The following SLC25A46 variants were observed in gnomAD, a reference collection of about 807,000 sequenced individuals.
SLC25A46 encodes solute carrier family 25 member 46.
SLC25A46 carries 39 observed loss-of-function variants against 44.6 expected under a neutral mutation model. The observed-to-expected ratio is 0.87, with a 90% CI of 0.68 to 1.14. The LOEUF is 1.14. SLC25A46 is among the 50% of genes most tolerant of loss of function. SLC25A46 has a pLI of 0.00. For missense variants in SLC25A46, 547 were observed against 522.7 expected, an observed-to-expected ratio of 1.05 and a Z score of -0.45; for synonymous variants, 202 against 185.8, an observed-to-expected ratio of 1.09 and a Z score of -0.71.
chr5:110,752,869 G>A (rs779612509), intron 5 of SLC25A46, among the ~76,000 whole-genome samples: 3 of 152,074 alleles, frequency 2.0e-5, no homozygotes, highest in African/African-American at 7.2e-5. Flanking sequence ...AGATATGAGC[G>A]TCGCTAGGGA....
chr5:110,759,673 A>T (rs1187563855), intron 7 of SLC25A46, among the ~76,000 whole-genome samples: 2 of 152,164 alleles, frequency 1.3e-5, no homozygotes, highest in Admixed American at 1.3e-4. Flanking sequence ...ATTGTAAATC[A>T]TTGTAATAAT....
chr5:110,758,052 T>TA (rs1171147834), intron 7 of SLC25A46, among the ~76,000 whole-genome samples: 6 of 152,208 alleles, frequency 3.9e-5, no homozygotes, highest in African/African-American at 9.6e-5. Context: ...GTGTTTTTTT[T>TA]AACCCAGTAT....
At chr5:110,757,048 A>G (rs1194871956) in intron 7 of SLC25A46, 2 of 244,300 alleles carry the variant, frequency 8.2e-6, no homozygotes, top group South Asian at 1.7e-4. Context: ...CAAAGAATCT[A>G]TAAACTTTTT....
At chr5:110,743,879 G>A (rs1799750227) in intron 3 of SLC25A46, 92 bp downstream of exon 3, 1 of 937,578 alleles carries the variant, frequency 1.1e-6, no homozygotes, top group Non-Finnish European at 1.6e-6. Flanking sequence ...CCAGGTAATT[G>A]TTACTTCATG....
upstream of SLC25A46, chr5:110,738,981 G>T (rs1166293249): frequency 2.1e-6 from 3 of 1,456,180 alleles, no homozygotes; most frequent in African/African-American, 1.4e-5. Flanking sequence ...AAGACTTCCG[G>T]GTTTCCAACG....
At chr5:110,753,828 T>G (rs1183780946) in intron 5 of SLC25A46, 1 of 152,128 alleles carries the variant, frequency 6.6e-6, no homozygotes, top group Non-Finnish European at 1.5e-5. Flanking sequence ...GTCCTAAGTG[T>G]TTACCACAGT....
intron 5 of SLC25A46, among the ~76,000 whole-genome samples, chr5:110,751,411 A>T (rs573029338): frequency 6.6e-6 from 1 of 152,198 alleles, no homozygotes; most frequent in Non-Finnish European, 1.5e-5. Flanking sequence ...GGTACATACC[A>T]GTTTGTACAA....
chr5:110,746,736 T>C (rs182351981), intron 4 of SLC25A46, among the ~76,000 whole-genome samples: 8 of 152,264 alleles, frequency 5.3e-5, no homozygotes, highest in Non-Finnish European at 7.4e-5. Context: ...GGGAAAAACT[T>C]TGGGAAAAGA....
chr5:110,742,210 T>G (rs1799708679), intron 2 of SLC25A46, 121 bp downstream of exon 2: 1 of 603,596 alleles, frequency 1.7e-6, no homozygotes, highest in Non-Finnish European at 2.7e-6. Flanking sequence ...AGCAGCAGCT[T>G]AAATTTTGAA....
chr5:110,758,487 T>G (rs1273253005), intron 7 of SLC25A46, among the ~76,000 whole-genome samples: 1 of 152,180 alleles, frequency 6.6e-6, no homozygotes, highest in Non-Finnish European at 1.5e-5. Context: ...CTTTCATCCT[T>G]CATAATTACC....
intron 5 of SLC25A46, among the ~76,000 whole-genome samples, chr5:110,752,416 T>G (rs1448666509): frequency 1.3e-5 from 2 of 152,120 alleles, no homozygotes; most frequent in Non-Finnish European, 2.9e-5. Flanking sequence ...ATGTGGCTTT[T>G]TTCAGACTGT....
intron 2 of SLC25A46, among the ~76,000 whole-genome samples, chr5:110,742,789 G>A (rs573931555): frequency 2.0e-5 from 3 of 152,072 alleles, no homozygotes; most frequent in East Asian, 1.9e-4. Context: ...CATAATCAGC[G>A]TTTGGTGATA....
chr5:110,750,304 T>C (rs537846890), intron 5 of SLC25A46, among the ~76,000 whole-genome samples: 12 of 152,074 alleles, frequency 7.9e-5, no homozygotes, highest in Non-Finnish European at 1.5e-4. Context: ...ATTCACTTTA[T>C]TGCTTTTATA....
In SLC25A46 at chr5:110,761,602, G is replaced by GCTTCCAATTA. The variant is rs1561610094; in HGVS notation, c.1078_1087dup (p.Asn363ThrfsTer4). 6.2e-7 allele frequency: 1 copy of GCTTCCAATTA among 1,613,738 alleles called. No individual in the cohort carries two copies. Among genetic ancestry groups the GCTTCCAATTA allele is most frequent in the Non-Finnish European group, 8.5e-7 (1 of 1,179,758 alleles). ...ACAATACAGACCTTGGCTATGAAGTGCTTCCAATTAATACACAATATGAGG... is the reference window on the plus strand; with the variant it reads ...ACAATACAGACCTTGGCTATGAAGTGCTTCCAATTACTTCCAATTAATACACAATATGAGG... On this transcript the variant is annotated frameshift_variant, in exon 8 of 8. Coordinates refer to ENST00000355943, the MANE Select transcript of SLC25A46 (RefSeq NM_138773.4). LOFTEE classifies it high-confidence loss of function. The surrounding 1 kb of genome is among the most constrained non-coding windows in gnomAD (Gnocchi z 5.3).
At chr5:110,755,822 A>G (rs867223498) in intron 6 of SLC25A46, among the ~76,000 whole-genome samples, 7 of 152,306 alleles carry the variant, frequency 4.6e-5, no homozygotes, top group South Asian at 2.1e-4. Context: ...CAAAGAAAGT[A>G]TAACTATTTT....
intron 1 of SLC25A46, 147 bp downstream of exon 1, chr5:110,739,549 T>C: frequency 8.7e-7 from 1 of 1,146,090 alleles, no homozygotes; most frequent in Non-Finnish European, 1.2e-6. Flanking sequence ...CCTTTGGTCC[T>C]CTGCCCCTGA....
At chr5:110,740,471 A>G (rs1014908651) in intron 1 of SLC25A46, among the ~76,000 whole-genome samples, 2 of 152,164 alleles carry the variant, frequency 1.3e-5, no homozygotes, top group East Asian at 3.9e-4. Context: ...GGTGGTTACA[A>G]TGAGGAGGAG....
In SLC25A46 at chr5:110,746,177, T is replaced by G. The variant is rs369917005; in HGVS notation, c.385-92T>G. 2.4e-4 allele frequency: 247 copies of G among 1,021,014 alleles called. 3 individuals carry two copies. In the East Asian group the frequency reaches 4.3e-3, roughly 18 times the overall value. 63.2% of individuals were successfully genotyped at this position (1,021,014 alleles called of 1,614,324 possible). Reference sequence around the variant, plus strand: ...TGTTGACTTTGGAATTAACTTTTGTTTATACTGCAATTCCACCATATTTCT... The same window carrying G: ...TGTTGACTTTGGAATTAACTTTTGTGTATACTGCAATTCCACCATATTTCT... On this transcript the variant is annotated intron_variant, in intron 3 of 7. Transcript: ENST00000355943.
intron 5 of SLC25A46, chr5:110,753,860 G>A (rs529375203): frequency 5.9e-5 from 9 of 152,212 alleles, no homozygotes; most frequent in East Asian, 5.8e-4. Flanking sequence ...AATTGGTGTC[G>A]TCATAAACTG....
Sources: gnomAD v4.1 joint callset for allele counts (sites outside exome capture counted in the v4.1 genomes callset) on GRCh38, gnomAD v4.1.1 for gene constraint, Gnocchi (gnomAD v3.1) non-coding constraint, MANE v1.5 for transcripts, NCBI Gene and HGNC (gene_info 2026-07-23, HGNC 2026-07-21) for gene names.